Variants in PARD3B observed in about 807,000 individuals in gnomAD.
PARD3B encodes partitioning defective 3 homolog B.
A neutral mutation model predicts 130.2 loss-of-function variants in PARD3B; 103 were observed. That is an observed-to-expected ratio of 0.79 (90% confidence interval 0.67 to 0.93). The LOEUF is 0.93. PARD3B is among the 40% of genes least tolerant of loss of function. The pLI, the probability that PARD3B is intolerant of heterozygous loss-of-function variation, is 0.00. For synonymous variants in PARD3B, 583 were observed against 553.2 expected (o/e 1.05, Z -0.76); for missense variants, 1,609 against 1,499.2 (o/e 1.07, Z -1.21).
At chr2:205,465,417 G>A (rs186012921) in intron 20 of PARD3B, among the ~76,000 whole-genome samples, 46 of 152,264 alleles carry the variant, frequency 3.0e-4, no homozygotes, top group African/African-American at 1.1e-3. Context: ...AAAGAGCCTA[G>A]ACGTTTAACC....
intron 1 of PARD3B, among the ~76,000 whole-genome samples, chr2:204,588,007 G>GT (rs2032906208): frequency 1.3e-5 from 2 of 152,136 alleles, no homozygotes; most frequent in Admixed American, 1.3e-4. Flanking sequence ...CCAGTCTTGG[G>GT]TGTGTCTTTA....
chr2:205,399,647 A>T, intron 18 of PARD3B, among the ~76,000 whole-genome samples: 1 of 151,934 alleles, frequency 6.6e-6, no homozygotes, highest in Non-Finnish European at 1.5e-5. Flanking sequence ...GAGCCACCAC[A>T]CCCAGCTGCA....
chr2:205,433,549 A>G lies in PARD3B; in HGVS notation c.2742-6821A>G, dbSNP rs868207833. ...CTCTGTGTCAAAAAAAAAAAAAAAAAAAAAGGTAAATTGAGGTATAATTTA... is the reference window on the plus strand; with the variant it reads ...CTCTGTGTCAAAAAAAAAAAAAAAAGAAAAGGTAAATTGAGGTATAATTTA... On this transcript the variant is annotated intron_variant, in intron 19 of 22. Coordinates refer to ENST00000406610, the MANE Select transcript of PARD3B (RefSeq NM_001302769.2). Among the ~76,000 whole-genome samples, 22 of 151,960 alleles carry G rather than the reference A, an allele frequency of 1.4e-4. No homozygotes were observed. The Middle Eastern group carries it at 0.01, about 70-fold the overall frequency.
At position 205,575,099 on chromosome 2, in the gene PARD3B, A is replaced by ACACACG. The variant is rs1196746010; in HGVS notation, c.3260+21701_3260+21702insGCACAC. Among the ~76,000 whole-genome samples, 2 of 133,490 alleles carry ACACACG rather than the reference A, an allele frequency of 1.5e-5. No homozygotes were observed. Among genetic ancestry groups the ACACACG allele is most frequent in the Non-Finnish European group, 3.5e-5 (2 of 57,886 alleles). 87.6% of individuals were successfully genotyped at this position (133,490 alleles called of 152,430 possible). ...CATTTAAATAGACACACACACACAC[A>ACACACG]CACACACACACACACGCGTACACTA... is the stretch of plus-strand genomic sequence containing the variant. On this transcript the variant is annotated intron_variant, in intron 22 of 22. Coordinates refer to ENST00000406610, the MANE Select transcript of PARD3B (RefSeq NM_001302769.2). This position sits in a 1 kb window ranked among gnomAD's most constrained non-coding sequence, Gnocchi z 4.6.
chr2:205,262,855 G>A (rs2105770170), intron 16 of PARD3B, among the ~76,000 whole-genome samples: 1 of 152,148 alleles, frequency 6.6e-6, no homozygotes, highest in South Asian at 2.1e-4. Context: ...TTTATTCTCA[G>A]GTGCTGACAA....
intron 15 of PARD3B, among the ~76,000 whole-genome samples, chr2:205,201,577 C>A (rs1257026718): frequency 1.3e-5 from 2 of 152,200 alleles, no homozygotes; most frequent in African/African-American, 4.8e-5. Context: ...GTGGCTTACA[C>A]CTGTAATCCC....
chr2:205,485,912 C>T (rs2049421960), intron 20 of PARD3B, among the ~76,000 whole-genome samples: 1 of 152,154 alleles, frequency 6.6e-6, no homozygotes, highest in African/African-American at 2.4e-5. Context: ...TGCTGGAGTT[C>T]ATCATACTTC....
chr2:204,940,957 C>T (rs1343077527), intron 2 of PARD3B, among the ~76,000 whole-genome samples: 4 of 151,976 alleles, frequency 2.6e-5, no homozygotes, highest in African/African-American at 9.7e-5. Flanking sequence ...AAAAGATGTA[C>T]TACAAAGAAA....
chr2:205,619,615 G>A lies in PARD3B; in HGVS notation c.*3802G>A, dbSNP rs549028573. On this transcript the variant is annotated 3_prime_UTR_variant, in exon 23 of 23. Coordinates refer to ENST00000406610, the MANE Select transcript of PARD3B (RefSeq NM_001302769.2). ...CACAGCGAGACCAGAAAGAGGAGTC[G>A]CCTTAAGGTATCCCTACAAAGTCAC... is the stretch of plus-strand genomic sequence containing the variant. The A allele has an allele frequency of 1.1e-4, 17 of 152,120 alleles. No individual in the cohort carries two copies. In the East Asian group the frequency reaches 2.9e-3, roughly 26 times the overall value. The allele number at this position is 152,120 out of a possible 1,614,324, so 9.4% of individuals were successfully genotyped here.
intron 22 of PARD3B, among the ~76,000 whole-genome samples, chr2:205,586,390 G>C (rs770673360): frequency 3.3e-5 from 5 of 152,126 alleles, no homozygotes; most frequent in Non-Finnish European, 7.4e-5. Flanking sequence ...TCTTTTATGT[G>C]GAAGGCTATT....
chr2:205,407,825 T>A lies in PARD3B; in HGVS notation c.2741+6702T>A, dbSNP rs1181913743. Among the ~76,000 whole-genome samples, 2 of 152,178 alleles carry A rather than the reference T, an allele frequency of 1.3e-5. No individual in the cohort carries two copies. On this transcript the variant is annotated intron_variant, in intron 19 of 22. Transcript: ENST00000406610. The surrounding 1 kb of genome is among the most constrained non-coding windows in gnomAD (Gnocchi z 4.1). The stretch of plus-strand genomic sequence containing the variant: ...CCTAAAATTGAAAAAAAAATTTTAA[T>A]AACATGAGTTATATACTCCAAAATC...
intron 1 of PARD3B, among the ~76,000 whole-genome samples, chr2:204,547,562 A>C (rs1430410774): frequency 6.6e-6 from 1 of 152,238 alleles, no homozygotes; most frequent in Non-Finnish European, 1.5e-5. Context: ...ATGTTTAAAC[A>C]AGTAACCAAT....
chr2:205,482,398 T>C (rs1877343), intron 20 of PARD3B, among the ~76,000 whole-genome samples: 60,653 of 151,824 alleles, frequency 0.4, 12,548 homozygotes, highest in East Asian at 0.53. Context: ...GATTGTCATC[T>C]GCCCAAAAGA....
chr2:204,738,515 A>G (rs1322946076), intron 2 of PARD3B, among the ~76,000 whole-genome samples: 3 of 152,170 alleles, frequency 2.0e-5, no homozygotes, highest in Non-Finnish European at 2.9e-5. Context: ...GCTTCTTAAA[A>G]CAAGTCTAGT....
chr2:205,059,305 C>T (rs959608512), intron 4 of PARD3B, among the ~76,000 whole-genome samples: 2 of 152,012 alleles, frequency 1.3e-5, no homozygotes, highest in Non-Finnish European at 2.9e-5. Flanking sequence ...AACCTATATG[C>T]TTAGCTTTAT....
intron 2 of PARD3B, among the ~76,000 whole-genome samples, chr2:204,764,265 G>A (rs1019560239): frequency 6.6e-6 from 1 of 152,182 alleles, no homozygotes; most frequent in Non-Finnish European, 1.5e-5. Context: ...GTGCATGCAA[G>A]CCCTTAGCTT....
At chr2:205,012,447 G>A (rs992000584) in intron 3 of PARD3B, among the ~76,000 whole-genome samples, 7 of 152,134 alleles carry the variant, frequency 4.6e-5, no homozygotes, top group Non-Finnish European at 7.3e-5. Flanking sequence ...AGCTTATCCT[G>A]CCCAAAGCTT....
intron 2 of PARD3B, among the ~76,000 whole-genome samples, chr2:204,956,112 T>G (rs999125478): frequency 1.1e-4 from 17 of 152,198 alleles, no homozygotes. Context: ...TTGGGCTTAT[T>G]TAATTGTTGG....
Position 205,589,969 on chromosome 2 carries a change from T to C in PARD3B, c.3261-25487T>C, listed in dbSNP as rs1420106353. On this transcript the variant is annotated intron_variant, in intron 22 of 22. Coordinates refer to ENST00000406610, the MANE Select transcript of PARD3B (RefSeq NM_001302769.2). This position sits in a 1 kb window ranked among gnomAD's most constrained non-coding sequence, Gnocchi z 4.1. ...AAAGCTGTATCAAGCTGAAGAAGCATAAGCTGCAACAAAGCTTTTCTCCCC... is the reference window on the plus strand; with the variant it reads ...AAAGCTGTATCAAGCTGAAGAAGCACAAGCTGCAACAAAGCTTTTCTCCCC... Among the ~76,000 whole-genome samples, 1 of 152,146 alleles carries C rather than the reference T, an allele frequency of 6.6e-6. No homozygotes were observed. Among genetic ancestry groups the C allele is most frequent in the Non-Finnish European group, 1.5e-5 (1 of 68,026 alleles).
Sources: allele counts gnomAD v4.1 joint callset (sites outside exome capture counted in the v4.1 genomes callset), GRCh38; gene constraint gnomAD v4.1.1; non-coding constraint Gnocchi (gnomAD v3.1); transcripts MANE v1.5; gene names NCBI Gene and HGNC (gene_info 2026-07-23, HGNC 2026-07-21).